Variants in MIPOL1 observed in about 807,000 individuals in gnomAD.
The protein encoded by MIPOL1 is mirror-image polydactyly 1, also known as mirror-image polydactyly gene 1 protein.
A neutral mutation model predicts 60.9 loss-of-function variants in MIPOL1; 57 were observed. That is an observed-to-expected ratio of 0.94 (90% CI 0.76 to 1.17). The LOEUF (loss-of-function observed/expected upper bound fraction) is 1.17, where lower values mean the gene tolerates loss of function less well. Ranked by LOEUF, MIPOL1 falls within the 50% of genes most tolerant of loss-of-function variation. The pLI, the probability that MIPOL1 is intolerant of heterozygous loss-of-function variation, is 0.00. For missense variants in MIPOL1, 551 were observed against 511.6 expected, an observed-to-expected ratio of 1.08 and a Z score of -0.74; for synonymous variants, 179 against 168.8, an observed-to-expected ratio of 1.06 and a Z score of -0.47.
At chr14:37,359,743 T>C (rs1481991357) in intron 9 of MIPOL1, among the ~76,000 whole-genome samples, 1 of 152,196 alleles carries the variant, frequency 6.6e-6, no homozygotes, top group Non-Finnish European at 1.5e-5. Flanking sequence ...ACGATGGGGT[T>C]TTCTAAATAT....
intron 12 of MIPOL1, among the ~76,000 whole-genome samples, chr14:37,543,751 A>G (rs1043429486): frequency 6.6e-6 from 1 of 152,170 alleles, no homozygotes; most frequent in Non-Finnish European, 1.5e-5. Flanking sequence ...CCTTCATCCC[A>G]TCTCTGCATT....
intron 11 of MIPOL1, among the ~76,000 whole-genome samples, chr14:37,461,934 A>G (rs148027412): frequency 3.9e-5 from 6 of 152,244 alleles, no homozygotes; most frequent in Non-Finnish European, 7.4e-5. Context: ...CACACAGTGC[A>G]AGCTGTCAGT....
chr14:37,481,205 C>G (rs545423150), intron 11 of MIPOL1, among the ~76,000 whole-genome samples: 1 of 152,094 alleles, frequency 6.6e-6, no homozygotes, highest in Admixed American at 6.6e-5. Context: ...CCCCGAAATC[C>G]ATAGCACTTC....
At chr14:37,310,199 C>CTCTA (rs58489798) in intron 9 of MIPOL1, among the ~76,000 whole-genome samples, 151,124 of 152,184 alleles carry the variant, frequency 0.99, 75,044 homozygotes, top group Middle Eastern at 1. Context: ...AAATGAATCT[C>CTCTA]TCTGTTTTGT....
intron 10 of MIPOL1, 65 bp from the exon 11 acceptor site, chr14:37,422,790 C>A: frequency 9.7e-7 from 1 of 1,031,292 alleles, no homozygotes; most frequent in Non-Finnish European, 1.5e-6. Flanking sequence ...CTGTTCTTAC[C>A]GTGGTACTGT....
At chr14:37,372,650 G>A (rs1214963129) in intron 10 of MIPOL1, among the ~76,000 whole-genome samples, 1 of 151,716 alleles carries the variant, frequency 6.6e-6, no homozygotes, top group African/African-American at 2.4e-5. Flanking sequence ...AGCTACTCAG[G>A]AGACTGAGGC....
At chr14:37,323,599 C>T (rs1186355901) in intron 9 of MIPOL1, among the ~76,000 whole-genome samples, 1 of 151,988 alleles carries the variant, frequency 6.6e-6, no homozygotes, top group Non-Finnish European at 1.5e-5. Context: ...TATTTGCTCA[C>T]AATTTTGATT....
At chr14:37,228,344 T>TTG (rs2153302881) in intron 1 of MIPOL1, among the ~76,000 whole-genome samples, 1 of 151,132 alleles carries the variant, frequency 6.6e-6, no homozygotes, top group African/African-American at 2.4e-5. Flanking sequence ...TTTTTTTTTT[T>TTG]TTAGTAGTTC....
intron 12 of MIPOL1, among the ~76,000 whole-genome samples, chr14:37,526,369 CTTTTT>C (rs1191140443): frequency 7.8e-6 from 1 of 128,204 alleles, no homozygotes; most frequent in Non-Finnish European, 1.7e-5. Flanking sequence ...TACTTCTTTT[CTTTTT>C]TTTTTTTTTT....
chr14:37,423,007 A>G (rs2093902632), intron 11 of MIPOL1, 58 bp downstream of exon 11: 13 of 1,073,754 alleles, frequency 1.2e-5, no homozygotes, highest in Admixed American at 2.1e-5. Flanking sequence ...AAATGTTTCT[A>G]CCTGATTTTA....
At chr14:37,392,603 A>G (rs1017224871) in intron 10 of MIPOL1, among the ~76,000 whole-genome samples, 3 of 152,138 alleles carry the variant, frequency 2.0e-5, no homozygotes, top group African/African-American at 2.4e-5. Flanking sequence ...CTTGTTCTCT[A>G]TCTTGAGGAA....
At chr14:37,293,619 G>A (rs1037927240) in intron 7 of MIPOL1, among the ~76,000 whole-genome samples, 6 of 152,106 alleles carry the variant, frequency 3.9e-5, no homozygotes, top group East Asian at 3.9e-4. Context: ...CTAATACTAC[G>A]CTTTTCCAAT....
intron 12 of MIPOL1, among the ~76,000 whole-genome samples, chr14:37,531,228 C>T (rs1244699670): frequency 6.6e-6 from 1 of 152,152 alleles, no homozygotes; most frequent in Admixed American, 6.5e-5. Flanking sequence ...CCAGACTGAC[C>T]TCTATGCAGT....
intron 1 of MIPOL1, among the ~76,000 whole-genome samples, chr14:37,233,736 G>A (rs530275749): frequency 1.3e-5 from 2 of 152,164 alleles, no homozygotes; most frequent in Middle Eastern, 3.2e-3. Context: ...TTGCTGTGGG[G>A]GAGGAGGCCT....
In MIPOL1 at chr14:37,546,923, T is replaced by G; in HGVS notation, c.1281T>G (p.Asp427Glu). The G allele has an allele frequency of 6.2e-7, 1 of 1,613,542 alleles. No homozygotes were observed. The highest frequency in any genetic ancestry group is 2.2e-5 in the East Asian group (1 of 44,848). The change falls in exon 13 of 13, where the codon GAT (aspartate) becomes GAG (glutamate). Residue 427 changes from aspartate (D) to glutamate (E), a missense_variant. Coordinates refer to ENST00000684589, the MANE Select transcript of MIPOL1 (RefSeq NM_001388067.1). ...AACTTAGGTTGGAAAGGCTGGTGGA[T>G]GTACTGAGGAAGAAGGTTGGAACCG... ...EKVQKLERLV[D>E]VLRKKVGTGT...
At chr14:37,393,769 T>G (rs1334290115) in intron 10 of MIPOL1, among the ~76,000 whole-genome samples, 1 of 151,366 alleles carries the variant, frequency 6.6e-6, no homozygotes, top group Non-Finnish European at 1.5e-5. Flanking sequence ...TCTTTAGTGG[T>G]GATTTGTGAA....
intron 10 of MIPOL1, chr14:37,401,012 G>C (rs898226114): frequency 6.6e-6 from 1 of 152,034 alleles, no homozygotes; most frequent in Non-Finnish European, 1.5e-5. Context: ...ACTTCTTATA[G>C]AGAACCAAAG....
intron 7 of MIPOL1, among the ~76,000 whole-genome samples, chr14:37,288,798 T>G (rs1402476480): frequency 6.7e-6 from 1 of 149,518 alleles, no homozygotes. Context: ...AGATCCTGTC[T>G]CAAGAAAAAA....
chr14:37,430,001 C>G (rs1410269176), intron 11 of MIPOL1, among the ~76,000 whole-genome samples: 1 of 152,086 alleles, frequency 6.6e-6, no homozygotes, highest in Non-Finnish European at 1.5e-5. Flanking sequence ...TGGGGTTGAA[C>G]ACTCAATCCT....
Sources: gnomAD v4.1 joint callset for allele counts (sites outside exome capture counted in the v4.1 genomes callset) on GRCh38, gnomAD v4.1.1 for gene constraint, MANE v1.5 for transcripts, NCBI Gene and HGNC (gene_info 2026-07-23, HGNC 2026-07-21) for gene names.